The following RCAN2 variants were observed in gnomAD, a reference collection of about 807,000 sequenced individuals.
RCAN2 encodes calcipressin-2.
In RCAN2, 9 loss-of-function variants were observed where a neutral mutation model predicts 23.6. The observed-to-expected ratio is 0.38, with a 90% confidence interval of 0.23 to 0.67. RCAN2 has a LOEUF of 0.67. Among genes scored for constraint, RCAN2 ranks in the 30% least tolerant of loss-of-function variants. The probability of loss-of-function intolerance (pLI) is 0.51; values close to 1 mark genes in which losing one functional copy is unlikely to be tolerated. For synonymous variants in RCAN2, 109 were observed against 115.7 expected (o/e 0.94, Z 0.37); for missense variants, 273 against 302.3 (o/e 0.90, Z 0.72).
At chr6:46,248,024 C>T (rs1406618673) in intron 3 of RCAN2, among the ~76,000 whole-genome samples, 1 of 152,096 alleles carries the variant, frequency 6.6e-6, no homozygotes, top group East Asian at 1.9e-4. Flanking sequence ...TTTCACTGTG[C>T]CATCTCTGTA....
At chr6:46,269,623 G>A (rs1767457946) in intron 2 of RCAN2, among the ~76,000 whole-genome samples, 1 of 152,218 alleles carries the variant, frequency 6.6e-6, no homozygotes, top group South Asian at 2.1e-4. Context: ...AGTAAGTAAA[G>A]ACGGCTGGAG....
chr6:46,384,660 C>A (rs146651223), intron 2 of RCAN2, among the ~76,000 whole-genome samples: 2 of 152,118 alleles, frequency 1.3e-5, no homozygotes. Flanking sequence ...ACAAATGGAG[C>A]CTTGCACAAA....
At chr6:46,294,423 A>G (rs1010922052) in intron 2 of RCAN2, among the ~76,000 whole-genome samples, 2 of 152,180 alleles carry the variant, frequency 1.3e-5, no homozygotes, top group Non-Finnish European at 2.9e-5. Flanking sequence ...AAAATTCAAA[A>G]ATACTCATAT....
chr6:46,330,648 C>T (rs1763937863), intron 2 of RCAN2, among the ~76,000 whole-genome samples: 5 of 152,096 alleles, frequency 3.3e-5, no homozygotes, highest in Admixed American at 3.3e-4. Context: ...CCTGGTGTTC[C>T]TTCTCTTCCT....
chr6:46,416,182 A>G (rs1196146121), intron 2 of RCAN2, among the ~76,000 whole-genome samples: 1 of 152,068 alleles, frequency 6.6e-6, no homozygotes, highest in Non-Finnish European at 1.5e-5. Context: ...GTTATTTAAT[A>G]TGAATAAAGA....
chr6:46,274,514 G>GTC (rs1415721654), intron 2 of RCAN2, among the ~76,000 whole-genome samples: 1 of 151,798 alleles, frequency 6.6e-6, no homozygotes, highest in Non-Finnish European at 1.5e-5. Flanking sequence ...GCTGATGTAG[G>GTC]TCTCTGAGTA....
chr6:46,249,734 G>C (rs1325921342), intron 2 of RCAN2, among the ~76,000 whole-genome samples: 1 of 152,162 alleles, frequency 6.6e-6, no homozygotes, highest in Non-Finnish European at 1.5e-5. Context: ...GTAGAGTGCA[G>C]AAGAAAGCCC....
chr6:46,427,884 C>T (rs989089585), intron 2 of RCAN2, among the ~76,000 whole-genome samples: 5 of 152,348 alleles, frequency 3.3e-5, no homozygotes, highest in African/African-American at 9.6e-5. Flanking sequence ...TTACTAAGGA[C>T]CACGTTTCAG....
intron 1 of RCAN2, among the ~76,000 whole-genome samples, chr6:46,481,222 G>C (rs1768850016): frequency 6.6e-6 from 1 of 152,130 alleles, no homozygotes; most frequent in Admixed American, 6.5e-5. Flanking sequence ...CCCTAAAGAT[G>C]GGGATTATGT....
At chr6:46,440,433 A>G (rs1767503054) in intron 2 of RCAN2, among the ~76,000 whole-genome samples, 1 of 152,084 alleles carries the variant, frequency 6.6e-6, no homozygotes, top group South Asian at 2.1e-4. Flanking sequence ...TTCTAAAAAT[A>G]TCATATTAAC....
chr6:46,225,723 C>A (rs1028069967), intron 4 of RCAN2, among the ~76,000 whole-genome samples: 14 of 152,130 alleles, frequency 9.2e-5, no homozygotes, highest in African/African-American at 1.4e-4. Flanking sequence ...AATTTTCTCC[C>A]AATCTGTAGG....
At chr6:46,483,698 A>G (rs1441288811) in intron 1 of RCAN2, among the ~76,000 whole-genome samples, 1 of 152,258 alleles carries the variant, frequency 6.6e-6, no homozygotes, top group Non-Finnish European at 1.5e-5. Flanking sequence ...GAGAAATAAG[A>G]AAATAAAAGC....
At chr6:46,277,293 C>G (rs1767745967) in intron 2 of RCAN2, among the ~76,000 whole-genome samples, 1 of 152,198 alleles carries the variant, frequency 6.6e-6, no homozygotes, top group Non-Finnish European at 1.5e-5. Flanking sequence ...GCCCAGTGAT[C>G]TGGGTAAAAT....
At chr6:46,408,070 A>G (rs539958977) in intron 2 of RCAN2, among the ~76,000 whole-genome samples, 1 of 152,330 alleles carries the variant, frequency 6.6e-6, no homozygotes, top group East Asian at 1.9e-4. Context: ...AGCTGCTTAT[A>G]AAACAACTTC....
chr6:46,273,990 A>G (rs983240899), intron 2 of RCAN2, among the ~76,000 whole-genome samples: 5 of 152,270 alleles, frequency 3.3e-5, no homozygotes, highest in Admixed American at 1.3e-4. Flanking sequence ...GCTGAGAAAG[A>G]TGATGAGGAG....
chr6:46,345,906 T>C (rs972682493), intron 2 of RCAN2, among the ~76,000 whole-genome samples: 1 of 152,190 alleles, frequency 6.6e-6, no homozygotes, highest in Non-Finnish European at 1.5e-5. Context: ...CATGCTCTTT[T>C]AAAGTAAATG....
chr6:46,249,750 T>C (rs1744818243), intron 2 of RCAN2, among the ~76,000 whole-genome samples: 1 of 152,048 alleles, frequency 6.6e-6, no homozygotes, highest in Non-Finnish European at 1.5e-5. Context: ...AGCCCTCGAG[T>C]AATTTTTCAG....
Position 46,246,951 on chromosome 6 carries a change from T to A in RCAN2, c.400-32A>T, listed in dbSNP as rs541303695. 6.1e-6 allele frequency: 9 copies of A among 1,475,582 alleles called. No homozygotes were observed. The Middle Eastern group carries it at 6.7e-4, about 110-fold the overall frequency. 91.4% of individuals were successfully genotyped at this position (1,475,582 alleles called of 1,614,324 possible). On this transcript the variant is annotated intron_variant, in intron 3 of 4. Coordinates refer to ENST00000371374, the MANE Select transcript of RCAN2 (RefSeq NM_001251974.2). ...AATAGAGTAGAGATGAAGAAACTTA[T>A]TCATCATGGCTTCAGATGTGTCATG...
At chr6:46,324,369 TG>T (rs1365048954) in intron 2 of RCAN2, among the ~76,000 whole-genome samples, 1 of 152,232 alleles carries the variant, frequency 6.6e-6, no homozygotes, top group African/African-American at 2.4e-5. Context: ...CCATGTGCTA[TG>T]CCAAGAACAC....
Sources: gnomAD v4.1 joint callset for allele counts (sites outside exome capture counted in the v4.1 genomes callset) on GRCh38, gnomAD v4.1.1 for gene constraint, MANE v1.5 for transcripts, NCBI Gene and HGNC (gene_info 2026-07-23, HGNC 2026-07-21) for gene names.